CDK5RAP2: variants seen among roughly 807,000 people sequenced by gnomAD.
CDK5RAP2 encodes CDK5 regulatory subunit-associated protein 2.
Under a neutral mutation model 232.9 loss-of-function variants are expected in CDK5RAP2, and 147 were observed. The ratio of observed to expected loss-of-function variants is 0.63; its 90% CI spans 0.55 to 0.72. CDK5RAP2 has a LOEUF of 0.72. CDK5RAP2 is among the 30% of genes least tolerant of loss of function. CDK5RAP2 has a pLI of 0.00. For missense variants in CDK5RAP2, 2,195 were observed against 2,231.5 expected (o/e 0.98, Z 0.33); for synonymous variants, 833 against 833.7 (o/e 1.00, Z 0.01).
intron 4 of CDK5RAP2, among the ~76,000 whole-genome samples, chr9:120,548,913 T>G (rs182331402): frequency 3.9e-5 from 6 of 152,242 alleles, no homozygotes; most frequent in Admixed American, 3.9e-4. Flanking sequence ...TCCAAGCACT[T>G]TGGGAGGCCA....
intron 25 of CDK5RAP2, among the ~76,000 whole-genome samples, chr9:120,428,747 A>T (rs2035082943): frequency 6.6e-6 from 1 of 152,190 alleles, no homozygotes; most frequent in African/African-American, 2.4e-5. Flanking sequence ...ATCCTCCCTA[A>T]CTCATTTTAT....
Position 120,530,115 on chromosome 9 carries a change from A to G in CDK5RAP2, c.688T>C (p.Leu230=). 1.2e-6 allele frequency: 2 copies of G among 1,613,764 alleles called. No homozygotes were observed. The highest frequency in any genetic ancestry group is 1.7e-6 in the Non-Finnish European group (2 of 1,179,836). Residue 230 remains leucine (L), a synonymous_variant, in exon 8 of 38, where the codon TTG becomes CTG. Coordinates refer to ENST00000349780, the MANE Select transcript of CDK5RAP2 (RefSeq NM_018249.6). ...DRLIEELKLS[L]KSKEALIQCL... ...TGAATTAAAGCTTCTTTGCTCTTCA[A>G]AGACAGCTTCAACTCCTCAATCAGT...
chr9:120,527,142 G>GAA, intron 10 of CDK5RAP2, among the ~76,000 whole-genome samples: 1 of 152,242 alleles, frequency 6.6e-6, no homozygotes, highest in East Asian at 1.9e-4. Context: ...GGACACAATA[G>GAA]GTTGCCATAG....
intron 25 of CDK5RAP2, among the ~76,000 whole-genome samples, chr9:120,423,577 T>C (rs1193653348): frequency 1.3e-5 from 2 of 152,176 alleles, no homozygotes; most frequent in Non-Finnish European, 2.9e-5. Context: ...TCATTTGCTG[T>C]TTGAAAGGAA....
At chr9:120,556,756 A>G (rs1312699003) in intron 3 of CDK5RAP2, among the ~76,000 whole-genome samples, 2 of 152,210 alleles carry the variant, frequency 1.3e-5, no homozygotes, top group East Asian at 3.8e-4. Flanking sequence ...GACTGAATAA[A>G]AGAAAACGAT....
At chr9:120,480,648 T>C (rs2038252368) in intron 14 of CDK5RAP2, among the ~76,000 whole-genome samples, 1 of 152,198 alleles carries the variant, frequency 6.6e-6, no homozygotes, top group Non-Finnish European at 1.5e-5. Context: ...ATATATTGTA[T>C]GCATTTAAAC....
In CDK5RAP2 at chr9:120,487,690, G is replaced by T. The variant is rs10984929; in HGVS notation, c.1483-253C>A. On this transcript the variant is annotated intron_variant, in intron 13 of 37. Transcript: ENST00000349780. ...AGGATGGTCGCAGTCGCTACAAACC[G>T]TCCTCGCTCACCACCACTGTGACTA... is the stretch of plus-strand genomic sequence containing the variant. 4.6e-5 allele frequency among the ~76,000 whole-genome samples: 7 copies of T among 152,228 alleles called. No individual in the cohort carries two copies. The East Asian group carries it at 9.6e-4, about 21-fold the overall frequency.
chr9:120,455,499 G>A (rs901199242), intron 20 of CDK5RAP2, among the ~76,000 whole-genome samples: 1 of 152,102 alleles, frequency 6.6e-6, no homozygotes, highest in Non-Finnish European at 1.5e-5. Context: ...CTAGCACTTT[G>A]GGAGGCCAGG....
intron 25 of CDK5RAP2, among the ~76,000 whole-genome samples, chr9:120,429,319 G>A (rs2035129173): frequency 6.6e-6 from 1 of 151,880 alleles, no homozygotes; most frequent in Non-Finnish European, 1.5e-5. Flanking sequence ...AAGTCAAATT[G>A]TCCCTGTTTG....
intron 23 of CDK5RAP2, among the ~76,000 whole-genome samples, chr9:120,441,974 A>G (rs1193448397): frequency 6.6e-6 from 1 of 152,230 alleles, no homozygotes; most frequent in Non-Finnish European, 1.5e-5. Flanking sequence ...ATATCTCTCC[A>G]TAAGGCTTTT....
At chr9:120,560,541 T>C (rs967566570) in intron 3 of CDK5RAP2, among the ~76,000 whole-genome samples, 8 of 152,206 alleles carry the variant, frequency 5.3e-5, no homozygotes, top group Admixed American at 1.3e-4. Context: ...GTATGGCATC[T>C]TTCCTCCATG....
intron 3 of CDK5RAP2, among the ~76,000 whole-genome samples, chr9:120,556,264 A>G (rs954478741): frequency 6.6e-6 from 1 of 152,222 alleles, no homozygotes; most frequent in Non-Finnish European, 1.5e-5. Flanking sequence ...TATGTAAATT[A>G]TATCTCAATA....
intron 14 of CDK5RAP2, among the ~76,000 whole-genome samples, chr9:120,477,988 T>C (rs2038108039): frequency 6.6e-6 from 1 of 152,184 alleles, no homozygotes; most frequent in African/African-American, 2.4e-5. Flanking sequence ...TGATCTTGGG[T>C]AAGTAGCTTA....
chr9:120,505,278 T>C (rs778339599), intron 12 of CDK5RAP2, among the ~76,000 whole-genome samples: 4 of 152,202 alleles, frequency 2.6e-5, no homozygotes, highest in Non-Finnish European at 5.9e-5. Flanking sequence ...CAGTGATCTT[T>C]GATATTCCTA....
chr9:120,519,864 A>T (rs1588550960), intron 11 of CDK5RAP2, among the ~76,000 whole-genome samples: 1 of 152,276 alleles, frequency 6.6e-6, no homozygotes, highest in East Asian at 1.9e-4. Flanking sequence ...AGATATATCT[A>T]AGCACTTACA....
chr9:120,457,303 G>A (rs897681027), intron 20 of CDK5RAP2, among the ~76,000 whole-genome samples: 7 of 152,040 alleles, frequency 4.6e-5, no homozygotes, highest in Admixed American at 2.0e-4. Flanking sequence ...AGTTCACCAC[G>A]CTCCTACCAC....
chr9:120,549,566 T>C (rs1052083545), intron 4 of CDK5RAP2, among the ~76,000 whole-genome samples: 1 of 152,216 alleles, frequency 6.6e-6, no homozygotes, highest in South Asian at 2.1e-4. Flanking sequence ...GTTACTCATC[T>C]ATAAGCCTCA....
chr9:120,500,997 T>C (rs1299330247), intron 12 of CDK5RAP2, among the ~76,000 whole-genome samples: 2 of 152,234 alleles, frequency 1.3e-5, no homozygotes, highest in Non-Finnish European at 2.9e-5. Context: ...ATCCGGGTTC[T>C]ATTAATAATA....
At chr9:120,556,640 G>T (rs2042239914) in intron 3 of CDK5RAP2, among the ~76,000 whole-genome samples, 1 of 151,802 alleles carries the variant, frequency 6.6e-6, no homozygotes, top group Admixed American at 6.6e-5. Flanking sequence ...TGTTGGCCAG[G>T]CTGGTCTTGA....
Sources: allele counts gnomAD v4.1 joint callset (sites outside exome capture counted in the v4.1 genomes callset), GRCh38; gene constraint gnomAD v4.1.1; transcripts MANE v1.5; gene names NCBI Gene and HGNC (gene_info 2026-07-23, HGNC 2026-07-21).